The following SPATA3 variants were observed in gnomAD, a reference collection of about 807,000 sequenced individuals.
SPATA3 encodes the protein spermatogenesis associated 3, also known as spermatogenesis-associated protein 3.
SPATA3 carries 6 observed loss-of-function variants against 5.7 expected under a neutral mutation model. That is an observed-to-expected ratio of 1.06 (90% confidence interval 0.58 to 2.09). The LOEUF is 2.09. SPATA3 is among the 30% of genes most tolerant of loss of function. SPATA3 has a pLI of 0.00. For missense variants in SPATA3, 155 were observed against 130.4 expected (o/e 1.19, Z -0.92); for synonymous variants, 44 against 48.4 (o/e 0.91, Z 0.37).
At chr2:231,006,381 T>C (rs1692626051), downstream of SPATA3, among the ~76,000 whole-genome samples, 1 of 151,518 alleles carries the variant, frequency 6.6e-6, no homozygotes, top group South Asian at 2.1e-4. Context: ...CGGGCACCTG[T>C]AGTCCCAGCT....
intron 6 of SPATA3, among the ~76,000 whole-genome samples, chr2:231,015,257 C>CTTTT (rs35102459): frequency 0.2 from 18,175 of 93,156 alleles, 1,698 homozygotes; most frequent in African/African-American, 0.23. Flanking sequence ...ATCGTTTTGG[C>CTTTT]TTTTTTTTTT....
chr2:231,017,421 C>T (rs1276587568), intron 6 of SPATA3, among the ~76,000 whole-genome samples: 2 of 152,310 alleles, frequency 1.3e-5, no homozygotes, highest in African/African-American at 4.8e-5. Flanking sequence ...TGCCCACAAG[C>T]CTGTGAATTT....
Position 230,996,421 on chromosome 2 carries a change from C to T in SPATA3, c.791-3945C>T, listed in dbSNP as rs1055356985. 2.7e-5 allele frequency: 42 copies of T among 1,552,206 alleles called. No individual in the cohort carries two copies. The African/African-American group carries it at 5.3e-4, about 20-fold the overall frequency. ...CCACAGCATTCCAGCCTTGAAACCA[C>T]CTCCCGGCAGCCAGCATTCCAAGCC... On this transcript the variant is annotated intron_variant, in intron 1 of 2. Coordinates refer to ENST00000645363, the Ensembl canonical transcript of SPATA3.
intron 6 of SPATA3, among the ~76,000 whole-genome samples, chr2:231,015,470 C>T (rs1047542073): frequency 3.3e-5 from 5 of 152,126 alleles, no homozygotes; most frequent in Non-Finnish European, 7.4e-5. Flanking sequence ...TACCAAACAG[C>T]TGGGCTCCGT....
downstream of SPATA3, among the ~76,000 whole-genome samples, chr2:231,005,568 T>C (rs1160653280): frequency 2.6e-4 from 9 of 34,522 alleles, no homozygotes; most frequent in Admixed American, 5.8e-4. Context: ...ATCATCACCA[T>C]CATCATCACC....
chr2:231,015,378 C>T (rs745309257), intron 6 of SPATA3, among the ~76,000 whole-genome samples: 1 of 150,128 alleles, frequency 6.7e-6, no homozygotes, highest in Non-Finnish European at 1.5e-5. Flanking sequence ...CACCATGGCC[C>T]GCCAGGACCT....
chr2:230,997,960 G>T (rs1692190349), intron 1 of SPATA3, among the ~76,000 whole-genome samples: 1 of 152,156 alleles, frequency 6.6e-6, no homozygotes, highest in Non-Finnish European at 1.5e-5. Context: ...AGTCAAACAG[G>T]TTGCTCCTGA....
At chr2:230,997,621 A>G (rs1692176779) in intron 1 of SPATA3, among the ~76,000 whole-genome samples, 2 of 152,248 alleles carry the variant, frequency 1.3e-5, no homozygotes, top group Admixed American at 1.3e-4. Context: ...TAGTGACAGA[A>G]AGCCTTCGGC....
intron 1 of SPATA3, 93 bp from the exon 2 acceptor site, chr2:231,000,273 T>C: frequency 3.4e-6 from 4 of 1,184,574 alleles, no homozygotes; most frequent in South Asian, 2.0e-5. Context: ...CTGCTGCCGT[T>C]GTGGGGGGCC....
chr2:230,998,946 A>G (rs1692241838), intron 1 of SPATA3, among the ~76,000 whole-genome samples: 1 of 152,234 alleles, frequency 6.6e-6, no homozygotes, highest in African/African-American at 2.4e-5. Context: ...CAAATGCTCA[A>G]AGCAGCAGCA....
downstream of SPATA3, among the ~76,000 whole-genome samples, chr2:231,006,331 C>A (rs2125112907): frequency 6.8e-6 from 1 of 146,946 alleles, no homozygotes; most frequent in Non-Finnish European, 1.5e-5. Context: ...GAAACCCCGT[C>A]TCTACTAAAA....
intron 5 of SPATA3, among the ~76,000 whole-genome samples, chr2:231,013,024 T>C (rs1692827843): frequency 6.6e-6 from 1 of 152,310 alleles, no homozygotes; most frequent in Non-Finnish European, 1.5e-5. Context: ...CAGACTCGCT[T>C]GAAATTCATG....
At chr2:231,017,257 G>C (rs1280590988) in intron 6 of SPATA3, among the ~76,000 whole-genome samples, 1 of 152,206 alleles carries the variant, frequency 6.6e-6, no homozygotes, top group African/African-American at 2.4e-5. Flanking sequence ...GCTTTGGGGA[G>C]AGCTTAATCT....
chr2:231,006,751 C>A (rs528995316), downstream of SPATA3: 9 of 152,306 alleles, frequency 5.9e-5, no homozygotes, highest in African/African-American at 2.2e-4. Context: ...ACAGTGACAT[C>A]TTTCCTTTTT....
intron 2 of SPATA3, among the ~76,000 whole-genome samples, chr2:231,001,414 C>T (rs1237030382): frequency 6.6e-6 from 1 of 152,034 alleles, no homozygotes; most frequent in Admixed American, 6.6e-5. Flanking sequence ...CCATCCTTGT[C>T]CTGTTCCTCT....
At chr2:230,996,666 A>G in intron 1 of SPATA3, 132 bp downstream of exon 1, 1 of 1,254,736 alleles carries the variant, frequency 8.0e-7, no homozygotes, top group East Asian at 2.6e-5. Context: ...TAGAGTGGGA[A>G]GGTTTTTGTT....
chr2:230,999,814 A>G (rs6436986), intron 1 of SPATA3: 71,027 of 168,896 alleles, frequency 0.42, 15,128 homozygotes, highest in South Asian at 0.51. Context: ...TCCTGAGGTG[A>G]GCAGTCACCT....
chr2:231,013,272 A>C (rs4973364), intron 5 of SPATA3, among the ~76,000 whole-genome samples: 66,192 of 151,922 alleles, frequency 0.44, 15,508 homozygotes, highest in African/African-American at 0.59. Flanking sequence ...ATGATTTTGC[A>C]TGTTCTAGAA....
chr2:231,000,809 C>T (rs1248409251), intron 2 of SPATA3, among the ~76,000 whole-genome samples: 1 of 152,098 alleles, frequency 6.6e-6, no homozygotes, highest in African/African-American at 2.4e-5. Flanking sequence ...CTTCCTTTTT[C>T]TTTTCTCCAG....
Sources: allele counts gnomAD v4.1 joint callset (sites outside exome capture counted in the v4.1 genomes callset), GRCh38; gene constraint gnomAD v4.1.1; transcripts MANE v1.5; gene names NCBI Gene and HGNC (gene_info 2026-07-23, HGNC 2026-07-21).